RFX4: variants seen among roughly 807,000 people sequenced by gnomAD.
The protein encoded by RFX4 is regulatory factor X4, also known as transcription factor RFX4.
RFX4 carries 10 observed loss-of-function variants against 95.0 expected under a neutral mutation model. The observed-to-expected ratio is 0.11, with a 90% confidence interval of 0.06 to 0.18. The LOEUF (loss-of-function observed/expected upper bound fraction) is 0.18, where lower values mean the gene tolerates loss of function less well. Ranked by LOEUF, RFX4 falls within the 10% of genes least tolerant of loss-of-function variation. The pLI, the probability that RFX4 is intolerant of heterozygous loss-of-function variation, is 1.00. For synonymous variants in RFX4, 321 were observed against 340.7 expected, an observed-to-expected ratio of 0.94 and a Z score of 0.64; for missense variants, 640 against 922.0, an observed-to-expected ratio of 0.69 and a Z score of 3.96.
chr12:106,722,815 C>G (rs1465670699), intron 13 of RFX4, among the ~76,000 whole-genome samples: 1 of 152,174 alleles, frequency 6.6e-6, no homozygotes, highest in Non-Finnish European at 1.5e-5. Flanking sequence ...TTGCAGCAGA[C>G]AAAAGCCCAG....
In RFX4 at chr12:106,682,064, G is replaced by A. The variant is rs374526018; in HGVS notation, c.377+10G>A. 3.7e-5 allele frequency: 59 copies of A among 1,613,870 alleles called. No homozygotes were observed. The highest frequency in any genetic ancestry group is 4.7e-5 in the Non-Finnish European group (55 of 1,179,946). ...CCCGAGGACAGTCAAAGTAAGCACC[G>A]GACGGCCATTCCACCTGCAGAGCGC... is the stretch of plus-strand genomic sequence containing the variant. On this transcript the variant is annotated intron_variant, in intron 5 of 17. Transcript: ENST00000392842.
chr12:106,693,968 C>T (rs1439718929), intron 7 of RFX4, among the ~76,000 whole-genome samples: 2 of 152,160 alleles, frequency 1.3e-5, no homozygotes, highest in South Asian at 2.1e-4. Flanking sequence ...GTAAATACTG[C>T]TTTTATCCCC....
intron 6 of RFX4, 52 bp from the exon 7 acceptor site, chr12:106,689,235 C>A: frequency 1.4e-6 from 2 of 1,407,086 alleles, no homozygotes; most frequent in East Asian, 2.3e-5. Context: ...AGGGCAGCAG[C>A]AATGTGTATT....
intron 1 of RFX4, among the ~76,000 whole-genome samples, chr12:106,606,772 A>T (rs1417619981): frequency 1.3e-5 from 2 of 152,172 alleles, no homozygotes; most frequent in East Asian, 1.9e-4. Flanking sequence ...CTTTTAAAAG[A>T]GCAGTTTGTT....
chr12:106,758,141 A>G (rs1342504062), intron 17 of RFX4, among the ~76,000 whole-genome samples: 1 of 152,204 alleles, frequency 6.6e-6, no homozygotes, highest in East Asian at 1.9e-4. Context: ...CAGCATGCTT[A>G]AGGACCCTGT....
intron 13 of RFX4, among the ~76,000 whole-genome samples, chr12:106,726,519 C>G (rs932959180): frequency 6.6e-6 from 1 of 152,096 alleles, no homozygotes; most frequent in South Asian, 2.1e-4. Context: ...CCAATGAAGT[C>G]AAAAATTACT....
intron 3 of RFX4, among the ~76,000 whole-genome samples, chr12:106,648,633 T>TG (rs1399266205): frequency 4.0e-5 from 6 of 150,658 alleles, no homozygotes; most frequent in Non-Finnish European, 8.9e-5. Flanking sequence ...GGGGTTTTTT[T>TG]TTTTTTTTTT....
chr12:106,596,145 T>C (rs1255950860), intron 1 of RFX4, among the ~76,000 whole-genome samples: 2 of 152,146 alleles, frequency 1.3e-5, no homozygotes, highest in African/African-American at 4.8e-5. Context: ...CCAAATCTCA[T>C]CTTGTAGCTC....
chr12:106,730,637 A>G (rs2042591510), intron 13 of RFX4, among the ~76,000 whole-genome samples: 2 of 152,184 alleles, frequency 1.3e-5, no homozygotes, highest in South Asian at 4.1e-4. Flanking sequence ...TGATGATGAT[A>G]ATAATGGTGA....
intron 4 of RFX4, among the ~76,000 whole-genome samples, chr12:106,661,151 C>T (rs1434407479): frequency 6.6e-6 from 1 of 152,182 alleles, no homozygotes; most frequent in Non-Finnish European, 1.5e-5. Context: ...ATGGGCAGGT[C>T]CTTTTCCCTC....
chr12:106,613,442 A>G (rs970655247), intron 2 of RFX4, among the ~76,000 whole-genome samples: 2 of 151,212 alleles, frequency 1.3e-5, no homozygotes, highest in African/African-American at 2.4e-5. Flanking sequence ...GGCTCACTGC[A>G]ACCCCTGCCT....
At chr12:106,685,088 C>T (rs1365074778) in intron 5 of RFX4, among the ~76,000 whole-genome samples, 2 of 152,072 alleles carry the variant, frequency 1.3e-5, no homozygotes, top group Non-Finnish European at 2.9e-5. Flanking sequence ...TTTCTGAAAG[C>T]GAGGTCCACG....
At chr12:106,705,578 A>T (rs1415427435) in intron 8 of RFX4, among the ~76,000 whole-genome samples, 3 of 152,170 alleles carry the variant, frequency 2.0e-5, no homozygotes, top group Non-Finnish European at 4.4e-5. Context: ...GGTGATCAGG[A>T]GGTGAGCTGC....
At chr12:106,747,106 C>T (rs1441848128) in intron 15 of RFX4, among the ~76,000 whole-genome samples, 1 of 152,178 alleles carries the variant, frequency 6.6e-6, no homozygotes, top group African/African-American at 2.4e-5. Context: ...AGTGAGGGAT[C>T]TGGCCTAGTC....
intron 2 of RFX4, among the ~76,000 whole-genome samples, chr12:106,634,063 T>C (rs1369456777): frequency 6.6e-6 from 1 of 152,218 alleles, no homozygotes; most frequent in Non-Finnish European, 1.5e-5. Flanking sequence ...AGAACCCTGA[T>C]AAAAGATGAG....
chr12:106,738,014 C>T (rs1322412437), intron 15 of RFX4, among the ~76,000 whole-genome samples: 6 of 152,128 alleles, frequency 3.9e-5, no homozygotes, highest in Non-Finnish European at 8.8e-5. Flanking sequence ...ACTTTGTTCA[C>T]TGAACATTAA....
At chr12:106,628,834 A>G (rs1046525617) in intron 2 of RFX4, among the ~76,000 whole-genome samples, 1 of 145,340 alleles carries the variant, frequency 6.9e-6, no homozygotes. Flanking sequence ...ATCTCGGCTC[A>G]CTGCAGCCTC....
At chr12:106,675,915 G>A (rs945606923) in intron 4 of RFX4, among the ~76,000 whole-genome samples, 17 of 152,194 alleles carry the variant, frequency 1.1e-4, no homozygotes, top group Admixed American at 2.6e-4. Context: ...AACAAAGGCA[G>A]GGCCAATTAG....
intron 1 of RFX4, among the ~76,000 whole-genome samples, chr12:106,607,147 AG>A (rs1200566719): frequency 1.3e-5 from 2 of 152,204 alleles, no homozygotes; most frequent in Non-Finnish European, 2.9e-5. Context: ...AAAAGCCTGC[AG>A]CCATAGGTGT....
Sources: allele counts gnomAD v4.1 joint callset (sites outside exome capture counted in the v4.1 genomes callset), GRCh38; gene constraint gnomAD v4.1.1; transcripts MANE v1.5; gene names NCBI Gene and HGNC (gene_info 2026-07-23, HGNC 2026-07-21).